The following ROBO2 variants were observed in gnomAD, a reference collection of about 807,000 sequenced individuals.
ROBO2 encodes roundabout guidance receptor 2, also known as roundabout homolog 2.
In ROBO2, 53 loss-of-function variants were observed where a neutral mutation model predicts 160.8. The observed-to-expected ratio is 0.33, with a 90% CI of 0.26 to 0.41. ROBO2 has a LOEUF of 0.41. ROBO2 is among the 10% of genes least tolerant of loss of function. The pLI, the probability that ROBO2 is intolerant of heterozygous loss-of-function variation, is 1.00. For missense variants in ROBO2, 1,577 were observed against 1,722.4 expected (o/e 0.92, Z 1.49); for synonymous variants, 664 against 611.7 (o/e 1.09, Z -1.26).
chr3:77,090,957 T>C (rs932710688), intron 1 of ROBO2, among the ~76,000 whole-genome samples: 6 of 152,186 alleles, frequency 3.9e-5, no homozygotes, highest in Non-Finnish European at 7.4e-5. Context: ...TACTGTTACA[T>C]ACATTTTTAA....
chr3:77,166,273 G>GA (rs1403052163), intron 2 of ROBO2, among the ~76,000 whole-genome samples: 1 of 150,442 alleles, frequency 6.6e-6, no homozygotes. Context: ...TTAAAAAAAA[G>GA]AAAAAAAAGA....
chr3:77,626,688 G>A (rs2095034564), intron 23 of ROBO2, among the ~76,000 whole-genome samples: 1 of 152,186 alleles, frequency 6.6e-6, no homozygotes, highest in Admixed American at 6.5e-5. Flanking sequence ...GTAGGAGAGA[G>A]TGCAGGGGGA....
intron 2 of ROBO2, among the ~76,000 whole-genome samples, chr3:76,814,254 G>A (rs1291018993): frequency 1.3e-5 from 2 of 152,136 alleles, no homozygotes; most frequent in Non-Finnish European, 2.9e-5. Context: ...ATATGGTGAT[G>A]GAGTAACTTG....
intron 2 of ROBO2, among the ~76,000 whole-genome samples, chr3:76,340,888 ATATCT>A (rs888134212): frequency 1.3e-5 from 2 of 152,178 alleles, no homozygotes; most frequent in African/African-American, 4.8e-5. Context: ...GCATGCGGAA[ATATCT>A]TAATAAAAAT....
At chr3:77,401,263 T>TAAA (rs5850329) in intron 2 of ROBO2, among the ~76,000 whole-genome samples, 36 of 147,718 alleles carry the variant, frequency 2.4e-4, no homozygotes, top group African/African-American at 4.0e-4. Context: ...TGTTTGTATT[T>TAAA]AAAAAAAAAA....
intron 2 of ROBO2, among the ~76,000 whole-genome samples, chr3:77,209,904 A>G (rs985661668): frequency 1.2e-4 from 19 of 152,268 alleles, no homozygotes; most frequent in African/African-American, 4.3e-4. Flanking sequence ...AAAATCACCC[A>G]GGTGATTCTA....
intron 2 of ROBO2, among the ~76,000 whole-genome samples, chr3:75,988,962 T>G (rs1453207163): frequency 6.6e-6 from 1 of 152,074 alleles, no homozygotes; most frequent in Non-Finnish European, 1.5e-5. Flanking sequence ...TTATATTGAA[T>G]TTTTTATAAA....
intron 2 of ROBO2, among the ~76,000 whole-genome samples, chr3:76,366,725 C>G (rs1420685468): frequency 1.3e-5 from 2 of 151,836 alleles, no homozygotes; most frequent in African/African-American, 4.8e-5. Context: ...TTATAGTAAA[C>G]CATACACCAA....
At chr3:76,481,184 G>A (rs1285943896) in intron 2 of ROBO2, among the ~76,000 whole-genome samples, 2 of 152,108 alleles carry the variant, frequency 1.3e-5, no homozygotes, top group Non-Finnish European at 2.9e-5. Context: ...TTTTTTAAAT[G>A]TGAACACTCA....
intron 2 of ROBO2, among the ~76,000 whole-genome samples, chr3:76,076,448 TAAAG>T (rs2068648842): frequency 6.6e-6 from 1 of 152,300 alleles, no homozygotes; most frequent in Non-Finnish European, 1.5e-5. Context: ...ATGGAAATCA[TAAAG>T]AATCCTATGG....
At chr3:77,218,787 G>C (rs547014508) in intron 2 of ROBO2, among the ~76,000 whole-genome samples, 1 of 152,140 alleles carries the variant, frequency 6.6e-6, no homozygotes, top group African/African-American at 2.4e-5. Flanking sequence ...TGACTAATGC[G>C]TCTGACTTTT....
chr3:77,276,661 G>GGGAT (rs756515827), intron 2 of ROBO2, among the ~76,000 whole-genome samples: 3 of 152,086 alleles, frequency 2.0e-5, no homozygotes, highest in Non-Finnish European at 4.4e-5. Flanking sequence ...CTTAGGCAGG[G>GGGAT]GGATCACTTG....
At chr3:77,090,406 T>G (rs1011699736) in intron 1 of ROBO2, among the ~76,000 whole-genome samples, 5 of 131,124 alleles carry the variant, frequency 3.8e-5, no homozygotes, top group African/African-American at 5.7e-5. Context: ...CAGGCTGGAG[T>G]GCAGTGGCGC....
intron 2 of ROBO2, among the ~76,000 whole-genome samples, chr3:77,292,979 G>A (rs1465153120): frequency 6.7e-6 from 1 of 150,148 alleles, no homozygotes; most frequent in African/African-American, 2.5e-5. Flanking sequence ...AAGACATTAA[G>A]TAAAATTGAC....
intron 2 of ROBO2, among the ~76,000 whole-genome samples, chr3:76,013,558 A>G (rs755306881): frequency 6.6e-6 from 1 of 151,326 alleles, no homozygotes; most frequent in African/African-American, 2.4e-5. Context: ...TAATATGTAT[A>G]AAGGCAATTG....
intron 2 of ROBO2, among the ~76,000 whole-genome samples, chr3:75,999,123 A>G (rs2065811454): frequency 1.3e-5 from 2 of 152,180 alleles, no homozygotes; most frequent in South Asian, 4.1e-4. Flanking sequence ...GCTAGTTACT[A>G]TCTGAGCCTC....
chr3:77,132,331 A>T (rs1182407851), intron 2 of ROBO2, among the ~76,000 whole-genome samples: 1 of 152,078 alleles, frequency 6.6e-6, no homozygotes, highest in Non-Finnish European at 1.5e-5. Flanking sequence ...CAATAAAATG[A>T]TCCTACATAG....
In ROBO2 at chr3:77,577,498, G is replaced by T. The variant is rs2093799752; in HGVS notation, c.2212G>T (p.Ala738Ser). 3 of 1,613,142 alleles carry T rather than the reference G, an allele frequency of 1.9e-6. No homozygotes were observed. The South Asian group carries it at 3.3e-5, about 18-fold the overall frequency. The change falls in exon 15 of 26, where the codon GCC becomes TCC. Residue 738 changes from alanine to serine, a missense_variant. Ala to Ser is a moderately conservative substitution (Grantham distance 99). Coordinates refer to ENST00000461745, the Ensembl canonical transcript of ROBO2. Reference sequence around the variant, plus strand: ...AATTACTTCCTCTACAGCCCCAAGTGCCCCACCACAGTCTGTCACTGTACT... The same window carrying T: ...AATTACTTCCTCTACAGCCCCAAGTTCCCCACCACAGTCTGTCACTGTACT...
intron 2 of ROBO2, among the ~76,000 whole-genome samples, chr3:76,165,077 G>GA (rs2072777421): frequency 2.0e-5 from 3 of 151,776 alleles, no homozygotes; most frequent in Non-Finnish European, 4.4e-5. Context: ...TTTACCACGG[G>GA]AAAAAATAGA....
Sources: allele counts gnomAD v4.1 joint callset (sites outside exome capture counted in the v4.1 genomes callset), GRCh38; gene constraint gnomAD v4.1.1; transcripts MANE v1.5; gene names NCBI Gene and HGNC (gene_info 2026-07-23, HGNC 2026-07-21).